Variants in PCDH1 observed in about 807,000 individuals in gnomAD.
PCDH1 encodes the protein protocadherin 1, also known as protocadherin-1.
A neutral mutation model predicts 74.6 loss-of-function variants in PCDH1; 23 were observed. That is an observed-to-expected ratio of 0.31 (90% CI 0.22 to 0.44). The LOEUF (loss-of-function observed/expected upper bound fraction) is 0.44. PCDH1 is among the 20% of genes least tolerant of loss of function. The pLI, the probability that PCDH1 is intolerant of heterozygous loss-of-function variation, is 1.00. For synonymous variants in PCDH1, 647 were observed against 686.1 expected (o/e 0.94, Z 0.89); for missense variants, 1,214 against 1,641.4 (o/e 0.74, Z 4.50).
At position 141,867,702 on chromosome 5, in the gene PCDH1, T is replaced by C. The variant is rs1483487930; in HGVS notation, c.903+867A>G. On this transcript the variant is annotated intron_variant, in intron 2 of 4. Transcript: ENST00000287008. ...ACTAAGGGTTTTCCAGGATGGGTAA[T>C]GGTGTCCAGGGCAGGCCGAGCCTCC... 6.0e-5 allele frequency: 25 copies of C among 419,830 alleles called. No homozygotes were observed. The Admixed American group carries it at 7.5e-4, about 13-fold the overall frequency. 26.0% of individuals were successfully genotyped at this position (419,830 alleles called of 1,614,324 possible). A position where few individuals can be genotyped will look rare whatever the true frequency, so the allele number is the denominator to read the frequency against.
chr5:141,872,734 G>GAGA (rs1430390830), intron 1 of PCDH1, among the ~76,000 whole-genome samples: 6 of 152,198 alleles, frequency 3.9e-5, no homozygotes, highest in African/African-American at 1.4e-4. Flanking sequence ...CTGAGGAGTT[G>GAGA]TCTTACCTTC....
Position 141,869,330 on chromosome 5 carries a change from G to A in PCDH1, c.142C>T (p.Leu48Phe). ...TGGCCTGGGGATGGAGCCAGCAGGA[G>A]CAGCAGTGCTAGCAGCATGGAGGGC... is the stretch of plus-strand genomic sequence containing the variant. The part of the protein sequence containing the change: ...LLPSMLLALL[L>F]LLAPSPGHAT... The change falls in exon 2 of 5, where the codon CTC (leucine) becomes TTC (phenylalanine). Residue 48 changes from leucine (L) to phenylalanine (F), a missense_variant. By Grantham distance (22) the Leu-to-Phe change is conservative. This residue lies in a region of PCDH1 where 87 missense variants were observed against 87.7 expected (regional missense o/e 0.99). Transcript: ENST00000287008. This position sits in a 1 kb window ranked among gnomAD's most constrained non-coding sequence, Gnocchi z 4.9. The A allele has an allele frequency of 6.3e-7, 1 of 1,598,908 alleles. No homozygotes were observed. The highest frequency in any genetic ancestry group is 8.5e-7 in the Non-Finnish European group (1 of 1,173,810).
chr5:141,865,236 G>A lies in PCDH1; in HGVS notation c.1095C>T (p.Asn365=). 3 of 1,614,226 alleles carry A rather than the reference G, an allele frequency of 1.9e-6. No individual in the cohort carries two copies. The highest frequency in any genetic ancestry group is 2.5e-6 in the Non-Finnish European group (3 of 1,180,044). ...CCACCTGGGCACGGGCACTCTTGGGGTTGGTGCCTCGGTCCTTAGCAAGCA... is the reference window on the plus strand; with the variant it reads ...CCACCTGGGCACGGGCACTCTTGGGATTGGTGCCTCGGTCCTTAGCAAGCA... ...FSVLAKDRGT[N]PKSARAQVVV... The change falls in exon 3 of 5, where the codon AAC becomes AAT. Residue 365 remains asparagine, a synonymous_variant. Transcript: ENST00000287008. This position sits in a 1 kb window ranked among gnomAD's most constrained non-coding sequence, Gnocchi z 4.4.
chr5:141,860,838 G>A (rs543272417), intron 3 of PCDH1, among the ~76,000 whole-genome samples: 14 of 152,168 alleles, frequency 9.2e-5, no homozygotes, highest in African/African-American at 2.2e-4. Flanking sequence ...AGTGAGTGCC[G>A]GGCATGGTGG....
intron 2 of PCDH1, among the ~76,000 whole-genome samples, chr5:141,867,924 G>A (rs1752920968): frequency 6.6e-6 from 1 of 152,210 alleles, no homozygotes; most frequent in Admixed American, 6.5e-5. Flanking sequence ...ATGGAGAGGG[G>A]TGCTGAGAAC....
Position 141,868,428 on chromosome 5 carries a change from T to C in PCDH1, c.903+141A>G. On this transcript the variant is annotated intron_variant, in intron 2 of 4. Transcript: ENST00000287008. This position sits in a 1 kb window ranked among gnomAD's most constrained non-coding sequence, Gnocchi z 4.8. Reference sequence around the variant, plus strand: ...TGGGGTGGGGTGGGAAAGACTCCCCTGGCTGAGTTTGGGGAGAAGGGGTCT... The same window carrying C: ...TGGGGTGGGGTGGGAAAGACTCCCCCGGCTGAGTTTGGGGAGAAGGGGTCT... The C allele has an allele frequency of 7.1e-7, 1 of 1,417,980 alleles. No homozygotes were observed. Among genetic ancestry groups the C allele is most frequent in the Non-Finnish European group, 9.2e-7 (1 of 1,089,444 alleles). The allele number at this position is 1,417,980 out of a possible 1,614,324, so 87.8% of individuals were successfully genotyped here.
At chr5:141,873,801 C>G (rs1181333822) in intron 1 of PCDH1, among the ~76,000 whole-genome samples, 2 of 152,120 alleles carry the variant, frequency 1.3e-5, no homozygotes, top group African/African-American at 4.8e-5. Context: ...AATCACTCAT[C>G]ATCATCATCA....
intron 1 of PCDH1, among the ~76,000 whole-genome samples, chr5:141,873,340 G>A (rs1377790525): frequency 5.7e-5 from 8 of 141,388 alleles, no homozygotes; most frequent in Non-Finnish European, 1.1e-4. Flanking sequence ...GGGTTTCACC[G>A]TGTTGGCCAC....
In PCDH1 at chr5:141,854,233, G is replaced by C. The variant is rs779910631; in HGVS notation, c.3523C>G (p.Pro1175Ala). ...EPAGAGSPSP[P>A]EDRNTKTAPV... ...GCCGTTTTGGTGTTCCGGTCTTCCG[G>C]GGGGCTGGGGCTGCCGGCGCCCGCA... is the stretch of plus-strand genomic sequence containing the variant. The change falls in exon 5 of 5, where the codon CCG becomes GCG. Residue 1175 changes from proline (P) to alanine (A), a missense_variant. Physicochemically the swap from Pro to Ala is conservative, Grantham distance 27. This residue lies in a region of PCDH1 where 194 missense variants were observed against 198.3 expected (regional missense o/e 0.98). Transcript: ENST00000287008. The C allele has an allele frequency of 3.7e-5, 59 of 1,611,732 alleles. No individual in the cohort carries two copies. The highest frequency in any genetic ancestry group is 5.0e-5 in the Non-Finnish European group (59 of 1,178,868).
Position 141,869,114 on chromosome 5 carries a change from G to A in PCDH1, c.358C>T (p.Leu120Phe), listed in dbSNP as rs1311161507. The change falls in exon 2 of 5, where the codon CTC becomes TTC. Residue 120 changes from leucine to phenylalanine, a missense_variant. By Grantham distance (22) the Leu-to-Phe change is conservative. Around this residue, in one of 4 missense-constraint regions of PCDH1, gnomAD observed 97 missense variants for 173.2 expected, o/e 0.56. Transcript: ENST00000287008. This position sits in a 1 kb window ranked among gnomAD's most constrained non-coding sequence, Gnocchi z 4.9. ...GGGAGCTGGTTCTGGCATTCACGGA[G>A]CCCCTCACGGTCGATGGAGGTCTCG... Reference protein sequence around the residue: ...TTETSIDREGLRECQNQLPGD... With the variant: ...TTETSIDREGFRECQNQLPGD... 5.6e-6 allele frequency: 9 copies of A among 1,613,768 alleles called. 1 individual carries two copies. The Middle Eastern group carries it at 5.0e-4, about 89-fold the overall frequency.
intron 3 of PCDH1, among the ~76,000 whole-genome samples, chr5:141,858,773 T>G (rs935251510): frequency 2.0e-5 from 3 of 152,132 alleles, no homozygotes; most frequent in Non-Finnish European, 2.9e-5. Flanking sequence ...CTGATGAGTC[T>G]CTAAGCTCCT....
rs774725057 is a variant in PCDH1 at position 141,857,249 on chromosome 5, C to T, written c.3319+3G>A. The T allele has an allele frequency of 1.0e-5, 16 of 1,565,390 alleles. No individual in the cohort carries two copies. Among genetic ancestry groups the T allele is most frequent in the Non-Finnish European group, 1.3e-5 (15 of 1,157,956 alleles). On this transcript the variant is annotated splice_donor_region_variant and intron_variant, in intron 4 of 4. Transcript: ENST00000287008. ...GTGCCCTGACCATGGTGCTGCGCCT[C>T]ACCATTCTCGGGGTGCTCCATCTCT...
chr5:141,866,757 A>G (rs1752857140), intron 2 of PCDH1, among the ~76,000 whole-genome samples: 1 of 152,204 alleles, frequency 6.6e-6, no homozygotes, highest in South Asian at 2.1e-4. Context: ...TAATACAGGT[A>G]AAAATGCCTG....
chr5:141,875,360 C>T (rs1409416686), intron 1 of PCDH1, among the ~76,000 whole-genome samples: 1 of 152,114 alleles, frequency 6.6e-6, no homozygotes, highest in Non-Finnish European at 1.5e-5. Context: ...GCATCCTCAC[C>T]ACCCACCATG....
In PCDH1 at chr5:141,872,681, T is replaced by G. The variant is rs976175899; in HGVS notation, c.41-3250A>C. The stretch of plus-strand genomic sequence containing the variant: ...ACCTCCTAGGCAGAACAGGCACACA[T>G]GCTTGTGAGACTACCTCCGCTCCCC... On this transcript the variant is annotated intron_variant, in intron 1 of 4. Transcript: ENST00000287008. Among the ~76,000 whole-genome samples, 9 of 152,152 alleles carry G rather than the reference T, an allele frequency of 5.9e-5. No individual in the cohort carries two copies. The South Asian group carries it at 6.2e-4, about 10-fold the overall frequency.
chr5:141,866,097 G>C (rs1052170619), intron 2 of PCDH1: 1 of 985,416 alleles, frequency 1.0e-6, no homozygotes, highest in Non-Finnish European at 1.2e-6. Flanking sequence ...CCCCAGGTTG[G>C]GGGATTTCTT....
rs574405440 is a variant in PCDH1, at chr5:141,857,486, A to G, written c.3100-15T>C. ...CGGTGAGGTAACTGCAGGGAGACAGATTGTCACTACTGACCAGCCAGCTTG... is the reference window on the plus strand; with the variant it reads ...CGGTGAGGTAACTGCAGGGAGACAGGTTGTCACTACTGACCAGCCAGCTTG... On this transcript the variant is annotated splice_polypyrimidine_tract_variant and intron_variant, in intron 3 of 4. Transcript: ENST00000287008. 6.8e-6 allele frequency: 11 copies of G among 1,609,906 alleles called. No individual in the cohort carries two copies. The East Asian group carries it at 2.5e-4, about 36-fold the overall frequency.
At chr5:141,875,686 G>T (rs1339730165) in intron 1 of PCDH1, among the ~76,000 whole-genome samples, 4 of 152,122 alleles carry the variant, frequency 2.6e-5, no homozygotes, top group African/African-American at 9.7e-5. Flanking sequence ...GGGAATTGGA[G>T]GTGGGTAGGA....
In PCDH1 at chr5:141,868,276, T is replaced by C. The variant is rs1752935547; in HGVS notation, c.903+293A>G. ...GCTAGCAGAGAAGGATCTACTTGAC[T>C]AGGGCGGGAGTTTTACTTCTCAGAG... On this transcript the variant is annotated intron_variant, in intron 2 of 4. Coordinates refer to ENST00000287008, the MANE Select transcript of PCDH1 (RefSeq NM_032420.5). The surrounding 1 kb of genome is among the most constrained non-coding windows in gnomAD (Gnocchi z 4.8). Among the ~76,000 whole-genome samples, 1 of 152,226 alleles carries C rather than the reference T, an allele frequency of 6.6e-6. No homozygotes were observed. The highest frequency in any genetic ancestry group is 2.4e-5 in the African/African-American group (1 of 41,462).
Sources: allele counts gnomAD v4.1 joint callset (sites outside exome capture counted in the v4.1 genomes callset), GRCh38; gene constraint gnomAD v4.1.1; regional missense constraint gnomAD v4.1.1; non-coding constraint Gnocchi (gnomAD v3.1); transcripts MANE v1.5; gene names NCBI Gene and HGNC (gene_info 2026-07-23, HGNC 2026-07-21).